Variants in LRRC7 observed in about 807,000 individuals in gnomAD.
LRRC7 encodes leucine-rich repeat-containing protein 7.
In LRRC7, 23 loss-of-function variants were observed where a neutral mutation model predicts 175.7. The ratio of observed to expected loss-of-function variants is 0.13; its 90% CI spans 0.09 to 0.19. The LOEUF (loss-of-function observed/expected upper bound fraction) is 0.19. Ranked by LOEUF, LRRC7 falls within the 10% of genes least tolerant of loss-of-function variation. The pLI is 1.00. For missense variants in LRRC7, 1,354 were observed against 1,904.7 expected, an observed-to-expected ratio of 0.71 and a Z score of 5.38; for synonymous variants, 685 against 680.9, an observed-to-expected ratio of 1.01 and a Z score of -0.09.
chr1:69,645,878 T>C (rs1654935376), intron 1 of LRRC7, among the ~76,000 whole-genome samples: 1 of 152,146 alleles, frequency 6.6e-6, no homozygotes, highest in African/African-American at 2.4e-5. Flanking sequence ...AATTGATTTT[T>C]CTAGTAAACA....
chr1:69,795,262 C>T (rs998544511), intron 4 of LRRC7, among the ~76,000 whole-genome samples: 1 of 151,996 alleles, frequency 6.6e-6, no homozygotes, highest in Non-Finnish European at 1.5e-5. Flanking sequence ...TGCCTGTAAT[C>T]CCAGCTACTC....
intron 18 of LRRC7, among the ~76,000 whole-genome samples, chr1:70,035,835 C>T (rs1659259873): frequency 6.6e-6 from 1 of 151,988 alleles, no homozygotes; most frequent in Non-Finnish European, 1.5e-5. Flanking sequence ...CAGAGGGCAC[C>T]AGCCACATTT....
chr1:69,860,536 C>T (rs991747612), intron 7 of LRRC7, among the ~76,000 whole-genome samples: 8 of 151,794 alleles, frequency 5.3e-5, no homozygotes, highest in Admixed American at 5.3e-4. Flanking sequence ...ATACTATGTA[C>T]ACTTAGCAAA....
chr1:69,688,084 T>C (rs748034075), intron 2 of LRRC7, among the ~76,000 whole-genome samples: 70 of 152,252 alleles, frequency 4.6e-4, no homozygotes, highest in Admixed American at 1.4e-3. Flanking sequence ...AGTTTTCTCC[T>C]TCAAGAACTG....
intron 26 of LRRC7, among the ~76,000 whole-genome samples, chr1:70,112,237 T>C (rs1665574064): frequency 6.6e-6 from 1 of 152,184 alleles, no homozygotes; most frequent in African/African-American, 2.4e-5. Flanking sequence ...ATTGCACTTT[T>C]TTTACTTTTT....
chr1:69,787,123 TA>T (rs1674536544), intron 3 of LRRC7, among the ~76,000 whole-genome samples: 1 of 152,172 alleles, frequency 6.6e-6, no homozygotes, highest in Non-Finnish European at 1.5e-5. Flanking sequence ...TCCAAAATCT[TA>T]AAGCTCCAAA....
In LRRC7 at chr1:69,710,236, G is replaced by A. The variant is rs566053750; in HGVS notation, c.100+31758G>A. Among the ~76,000 whole-genome samples, 335 of 130,562 alleles carry A rather than the reference G, an allele frequency of 2.6e-3. 3 individuals are homozygous for A. Among genetic ancestry groups the A allele is most frequent in the East Asian group, 7.5e-3 (33 of 4,392 alleles). The allele number at this position is 130,562 out of a possible 152,430, so 85.7% of individuals were successfully genotyped here. On this transcript the variant is annotated intron_variant, in intron 2 of 26. Coordinates refer to ENST00000651989, the MANE Select transcript of LRRC7 (RefSeq NM_001370785.2). ...GGAGGTTGCAGTGAGCCAAGATCACGCCACTGCTCCCCAGCCTGGGCGACA... is the reference window on the plus strand; with the variant it reads ...GGAGGTTGCAGTGAGCCAAGATCACACCACTGCTCCCCAGCCTGGGCGACA...
At chr1:69,989,756 A>T (rs1344292269) in intron 10 of LRRC7, among the ~76,000 whole-genome samples, 1 of 152,188 alleles carries the variant, frequency 6.6e-6, no homozygotes, top group African/African-American at 2.4e-5. Context: ...TTTCAACATT[A>T]AATACACAAG....
intron 1 of LRRC7, among the ~76,000 whole-genome samples, chr1:69,608,883 T>TAC (rs1648212526): frequency 7.3e-6 from 1 of 137,818 alleles, no homozygotes; most frequent in African/African-American, 2.7e-5. Flanking sequence ...TATATATATA[T>TAC]ATATATATAT....
At chr1:69,702,444 G>A (rs910705670) in intron 2 of LRRC7, among the ~76,000 whole-genome samples, 3 of 152,102 alleles carry the variant, frequency 2.0e-5, no homozygotes, top group Non-Finnish European at 4.4e-5. Flanking sequence ...GATAATCCAT[G>A]GTAGAACAAT....
At chr1:69,953,093 C>A (rs185785101) in intron 8 of LRRC7, among the ~76,000 whole-genome samples, 21 of 151,114 alleles carry the variant, frequency 1.4e-4, no homozygotes, top group Non-Finnish European at 2.5e-4. Flanking sequence ...CTCCTAAGAT[C>A]TGGCCCAGTT....
chr1:69,979,857 A>G (rs1653235855), intron 8 of LRRC7, among the ~76,000 whole-genome samples: 2 of 151,892 alleles, frequency 1.3e-5, no homozygotes, highest in South Asian at 4.2e-4. Context: ...AAGTAATGGC[A>G]AAACCGCAAT....
intron 2 of LRRC7, among the ~76,000 whole-genome samples, chr1:69,732,388 C>T (rs925896565): frequency 6.6e-5 from 10 of 151,876 alleles, no homozygotes; most frequent in African/African-American, 2.4e-4. Context: ...ACTGTTATGA[C>T]TAAAATATGC....
chr1:70,111,838 C>G (rs893624448), intron 26 of LRRC7, among the ~76,000 whole-genome samples: 3 of 151,988 alleles, frequency 2.0e-5, no homozygotes, highest in Non-Finnish European at 4.4e-5. Flanking sequence ...CATACATAAG[C>G]CTAATTTTGG....
At chr1:70,033,877 C>T (rs140144079) in intron 18 of LRRC7, among the ~76,000 whole-genome samples, 2 of 152,108 alleles carry the variant, frequency 1.3e-5, no homozygotes, top group African/African-American at 4.8e-5. Context: ...TTGAATAAAA[C>T]AAAATTCCCA....
At chr1:69,724,857 A>T (rs1666768195) in intron 2 of LRRC7, among the ~76,000 whole-genome samples, 1 of 152,154 alleles carries the variant, frequency 6.6e-6, no homozygotes, top group Non-Finnish European at 1.5e-5. Context: ...AATCCTTTTC[A>T]ACTGTTACTA....
At position 70,127,404 on chromosome 1, in the gene LRRC7, G is replaced by A. The variant is rs952294783; in HGVS notation, c.*5517G>A. On this transcript the variant is annotated 3_prime_UTR_variant, in exon 27 of 27. Coordinates refer to ENST00000651989, the MANE Select transcript of LRRC7 (RefSeq NM_001370785.2). Reference sequence around the variant, plus strand: ...AACCGAGGGGGCAAGTCTACTCTAAGTTTTTATTTAAAAACATACAGTTAA... The same window carrying A: ...AACCGAGGGGGCAAGTCTACTCTAAATTTTTATTTAAAAACATACAGTTAA... Among the ~76,000 whole-genome samples the A allele has an allele frequency of 1.3e-5, 2 of 152,164 alleles. No individual in the cohort carries two copies. Among genetic ancestry groups the A allele is most frequent in the Non-Finnish European group, 2.9e-5 (2 of 68,028 alleles).
chr1:69,744,554 A>G lies in LRRC7; in HGVS notation c.101-15637A>G, dbSNP rs567715056. Among the ~76,000 whole-genome samples, 11 of 152,050 alleles carry G rather than the reference A, an allele frequency of 7.2e-5. No individual in the cohort carries two copies. In the South Asian group the frequency reaches 1.9e-3, roughly 26 times the overall value. Reference sequence around the variant, plus strand: ...AAGGATTTGTCCTGAATGCATTCATATGTTAATCTCACTATAATTGCCGGA... The same window carrying G: ...AAGGATTTGTCCTGAATGCATTCATGTGTTAATCTCACTATAATTGCCGGA... On this transcript the variant is annotated intron_variant, in intron 2 of 26. Coordinates refer to ENST00000651989, the MANE Select transcript of LRRC7 (RefSeq NM_001370785.2).
chr1:69,685,230 C>G (rs1362961558), intron 2 of LRRC7, among the ~76,000 whole-genome samples: 1 of 152,172 alleles, frequency 6.6e-6, no homozygotes, highest in Non-Finnish European at 1.5e-5. Context: ...AACCTATAAG[C>G]TAAACCTAAA....
Sources: allele counts gnomAD v4.1 joint callset (sites outside exome capture counted in the v4.1 genomes callset), GRCh38; gene constraint gnomAD v4.1.1; transcripts MANE v1.5; gene names NCBI Gene and HGNC (gene_info 2026-07-23, HGNC 2026-07-21).